The following ERCC6L2 variants were observed in gnomAD, a reference collection of about 807,000 sequenced individuals.
ERCC6L2 encodes DNA excision repair protein ERCC-6-like 2.
In ERCC6L2, 77 loss-of-function variants were observed where a neutral mutation model predicts 132.0. That is an observed-to-expected ratio of 0.58 (90% CI 0.49 to 0.71). The LOEUF is 0.71. ERCC6L2 is among the 30% of genes least tolerant of loss of function. The probability of loss-of-function intolerance (pLI) is 0.00; values close to 1 mark genes in which losing one functional copy is unlikely to be tolerated. For synonymous variants in ERCC6L2, 583 were observed against 632.4 expected, an observed-to-expected ratio of 0.92 and a Z score of 1.17; for missense variants, 1,542 against 1,837.6, an observed-to-expected ratio of 0.84 and a Z score of 2.94.
rs1829587415 is a variant in ERCC6L2, at chr9:95,916,331, C to G, written c.1055C>G (p.Thr352Ser). The change falls in exon 6 of 19, where the codon ACT (threonine) becomes AGT (serine). Residue 352 changes from threonine (T) to serine (S), a missense_variant. Physicochemically the swap from Thr to Ser is moderately conservative, Grantham distance 58. Around this residue, in one of 4 missense-constraint regions of ERCC6L2, gnomAD observed 945 missense variants for 1,105.2 expected, o/e 0.86. Coordinates refer to ENST00000653738, the MANE Select transcript of ERCC6L2 (RefSeq NM_020207.7). Reference sequence around the variant, plus strand: ...ACGGCAACAAAGAGAGAACTAGCCACTGGCCGAAAGGCCATGCAAAGACTT... The same window carrying G: ...ACGGCAACAAAGAGAGAACTAGCCAGTGGCCGAAAGGCCATGCAAAGACTT... ...RHTATKRELA[T>S]GRKAMQRLAK... 1 of 1,614,048 alleles carries G rather than the reference C, an allele frequency of 6.2e-7. No individual in the cohort carries two copies. Among genetic ancestry groups the G allele is most frequent in the Non-Finnish European group, 8.5e-7 (1 of 1,179,976 alleles).
chr9:95,962,123 CA>C (rs1831931992), intron 13 of ERCC6L2, among the ~76,000 whole-genome samples: 1 of 152,104 alleles, frequency 6.6e-6, no homozygotes, highest in South Asian at 2.1e-4. Flanking sequence ...ATTAAAAATG[CA>C]AGTGGTTAAC....
At chr9:96,036,951 A>G (rs1834527431) in intron 19 of ERCC6L2, among the ~76,000 whole-genome samples, 1 of 150,728 alleles carries the variant, frequency 6.6e-6, no homozygotes, top group African/African-American at 2.4e-5. Flanking sequence ...TATTTTTAGT[A>G]GAGACGGGGT....
intron 11 of ERCC6L2, among the ~76,000 whole-genome samples, chr9:95,935,630 A>G (rs1228669230): frequency 6.6e-6 from 1 of 152,180 alleles, no homozygotes; most frequent in Non-Finnish European, 1.5e-5. Flanking sequence ...AGGACAAGGA[A>G]AAGTTAGCCA....
At chr9:95,979,654 G>A (rs189534150) in intron 17 of ERCC6L2, among the ~76,000 whole-genome samples, 2 of 152,196 alleles carry the variant, frequency 1.3e-5, no homozygotes, top group Admixed American at 6.5e-5. Context: ...ACTACAACTC[G>A]TGAAAGCATT....
At chr9:95,878,576 A>G (rs1283649138) in intron 1 of ERCC6L2, among the ~76,000 whole-genome samples, 5 of 151,690 alleles carry the variant, frequency 3.3e-5, no homozygotes, top group Admixed American at 2.6e-4. Flanking sequence ...ACATATGTAT[A>G]CATGTGCCAT....
chr9:95,978,331 T>TA (rs1205992664), intron 17 of ERCC6L2, 116 bp downstream of exon 17: 59 of 535,416 alleles, frequency 1.1e-4, no homozygotes, highest in Non-Finnish European at 1.4e-4. Context: ...GTAAGTGACA[T>TA]ACAAATAAGT....
rs1830179996 is a variant in ERCC6L2, at chr9:95,928,148, A to C, written c.1603A>C (p.Lys535Gln). ...DKVLLFSFST[K>Q]LLDVLQQYCM... is the part of the protein sequence containing the mutation. ...AGTTCTTCTCTTTTCTTTTTCCACC[A>C]AGGTGAGTTCATCTAAAGTATATCC... The change falls in exon 10 of 19, where the codon AAG becomes CAG. Residue 535 changes from lysine (K) to glutamine (Q), a missense_variant and splice_region_variant. Transcript: ENST00000653738. 3.1e-6 allele frequency: 5 copies of C among 1,608,828 alleles called. No individual in the cohort carries two copies. The highest frequency in any genetic ancestry group is 4.3e-6 in the Non-Finnish European group (5 of 1,175,780).
intron 12 of ERCC6L2, among the ~76,000 whole-genome samples, chr9:95,942,679 C>A (rs527723380): frequency 6.6e-6 from 1 of 152,114 alleles, no homozygotes; most frequent in Admixed American, 6.6e-5. Flanking sequence ...GAGGAAAAAT[C>A]CCAGAAATCA....
At chr9:95,941,410 T>A in intron 11 of ERCC6L2, 44 bp from the exon 12 acceptor site, 1 of 1,424,142 alleles carries the variant, frequency 7.0e-7, no homozygotes. Context: ...CAACAGTTAG[T>A]TTTTGCTGTT....
At chr9:95,917,093 A>G (rs16910353) in intron 6 of ERCC6L2, among the ~76,000 whole-genome samples, 2,979 of 152,258 alleles carry the variant, frequency 0.02, 106 homozygotes, top group African/African-American at 0.069. Flanking sequence ...ACTATCCACC[A>G]CACAGTGTAT....
At chr9:95,878,322 C>T (rs1361477938) in intron 1 of ERCC6L2, among the ~76,000 whole-genome samples, 1 of 152,074 alleles carries the variant, frequency 6.6e-6, no homozygotes, top group African/African-American at 2.4e-5. Context: ...TGTTTGCCAG[C>T]CTTTGCTTTA....
chr9:95,988,407 G>C (rs2133148849), intron 17 of ERCC6L2, among the ~76,000 whole-genome samples: 1 of 152,266 alleles, frequency 6.6e-6, no homozygotes, highest in East Asian at 1.9e-4. Flanking sequence ...CATCTTGTTA[G>C]CTGCATTACT....
intron 12 of ERCC6L2, among the ~76,000 whole-genome samples, chr9:95,945,797 T>C (rs583716): frequency 0.59 from 89,997 of 152,010 alleles, 26,872 homozygotes; most frequent in East Asian, 0.79. Flanking sequence ...ATAGGAAATA[T>C]ATAGTTGTGT....
intron 13 of ERCC6L2, among the ~76,000 whole-genome samples, chr9:95,958,696 A>C (rs1156402578): frequency 6.6e-6 from 1 of 152,160 alleles, no homozygotes; most frequent in African/African-American, 2.4e-5. Flanking sequence ...ATACAAAATC[A>C]ATGTACAAAA....
At chr9:95,989,830 C>A (rs1287274933) in intron 17 of ERCC6L2, among the ~76,000 whole-genome samples, 2 of 152,144 alleles carry the variant, frequency 1.3e-5, no homozygotes, top group Non-Finnish European at 2.9e-5. Flanking sequence ...AATGAGAAAT[C>A]AACATAATAA....
chr9:96,004,909 G>T, intron 18 of ERCC6L2: 1 of 336,308 alleles, frequency 3.0e-6, no homozygotes. Context: ...GGGAAATCAT[G>T]TTATACAAAG....
Position 95,926,889 on chromosome 9 carries a change from TTAA to T in ERCC6L2, c.1534-1186_1534-1184del, listed in dbSNP as rs777751819. 2.2e-4 allele frequency among the ~76,000 whole-genome samples: 33 copies of T among 152,128 alleles called. No individual in the cohort carries two copies. The East Asian group carries it at 4.3e-3, about 20-fold the overall frequency. On this transcript the variant is annotated intron_variant, in intron 9 of 18. Coordinates refer to ENST00000653738, the MANE Select transcript of ERCC6L2 (RefSeq NM_020207.7). ...TCTAATAATATTATTAATACAGATA[TTAA>T]TAAGAGAAAGTGTGGAGGAGGTTGG...
intron 9 of ERCC6L2, 102 bp from the exon 10 acceptor site, chr9:95,927,977 T>C (rs1830172961): frequency 1.3e-6 from 1 of 782,900 alleles, no homozygotes. Context: ...AGGTTAGTAT[T>C]GTATGAAAAT....
chr9:95,992,267 G>A (rs1833328766), intron 17 of ERCC6L2, among the ~76,000 whole-genome samples: 1 of 152,084 alleles, frequency 6.6e-6, no homozygotes, highest in Admixed American at 6.5e-5. Context: ...AGGTGATAAA[G>A]ACTTTAAATT....
Sources: allele counts gnomAD v4.1 joint callset (sites outside exome capture counted in the v4.1 genomes callset), GRCh38; gene constraint gnomAD v4.1.1; regional missense constraint gnomAD v4.1.1; transcripts MANE v1.5; gene names NCBI Gene and HGNC (gene_info 2026-07-23, HGNC 2026-07-21).